The following SLC22A24 variants were observed in gnomAD, a reference collection of about 807,000 sequenced individuals.
SLC22A24 encodes the protein solute carrier family 22 member 24, also known as steroid transmembrane transporter SLC22A24.
SLC22A24 carries 53 observed loss-of-function variants against 49.8 expected under a neutral mutation model. The ratio of observed to expected loss-of-function variants is 1.06; its 90% CI spans 0.85 to 1.34. The LOEUF (loss-of-function observed/expected upper bound fraction) is 1.34, where lower values mean the gene tolerates loss of function less well. Ranked by LOEUF, SLC22A24 falls within the 40% of genes most tolerant of loss-of-function variation. The pLI is 0.00. For synonymous variants in SLC22A24, 302 were observed against 256.4 expected, an observed-to-expected ratio of 1.18 and a Z score of -1.70; for missense variants, 786 against 675.9, an observed-to-expected ratio of 1.16 and a Z score of -1.81.
At chr11:63,133,271 G>A (rs2087349843) in intron 2 of SLC22A24, among the ~76,000 whole-genome samples, 1 of 152,172 alleles carries the variant, frequency 6.6e-6, no homozygotes, top group Non-Finnish European at 1.5e-5. Context: ...GCACTTCCTG[G>A]GTGAGGCGGC....
At position 63,143,444 on chromosome 11, in the gene SLC22A24, G is replaced by A; in HGVS notation, c.336C>T (p.Asp112=). The change falls in exon 1 of 10, where the codon GAC becomes GAT. Residue 112 remains aspartate, a synonymous_variant. Coordinates refer to ENST00000612278, the MANE Select transcript of SLC22A24 (RefSeq NM_001136506.2). ...CCCAGCCATCCACACAGGGCTCCGTGTCTGGCTCATTTGTGTTGGGGAAGG... is the reference window on the plus strand; with the variant it reads ...CCCAGCCATCCACACAGGGCTCCGTATCTGGCTCATTTGTGTTGGGGAAGG... ...NGTFPNTNEP[D]TEPCVDGWVY... 1 of 1,577,054 alleles carries A rather than the reference G, an allele frequency of 6.3e-7. No individual in the cohort carries two copies. The highest frequency in any genetic ancestry group is 8.6e-7 in the Non-Finnish European group (1 of 1,163,326).
At chr11:63,108,618 G>A (rs1051378128) in intron 4 of SLC22A24, among the ~76,000 whole-genome samples, 1 of 152,082 alleles carries the variant, frequency 6.6e-6, no homozygotes. Flanking sequence ...GCCTGTTATT[G>A]GTCTATTCAG....
intron 4 of SLC22A24, among the ~76,000 whole-genome samples, chr11:63,117,750 T>C (rs1004630833): frequency 3.9e-5 from 6 of 152,242 alleles, no homozygotes; most frequent in Non-Finnish European, 7.3e-5. Context: ...ATATAATGCA[T>C]ATAACACACA....
rs970919265 is a variant in SLC22A24 at position 63,079,963 on chromosome 11, A to C, written c.1636T>G (p.Cys546Gly). 3.2e-6 allele frequency: 5 copies of C among 1,546,346 alleles called. No individual in the cohort carries two copies. Among genetic ancestry groups the C allele is most frequent in the Non-Finnish European group, 4.4e-6 (5 of 1,142,354 alleles). The change falls in exon 10 of 10, where the codon TGC becomes GGC. Residue 546 changes from cysteine (C) to glycine (G), a missense_variant. Cys to Gly is a radical substitution (Grantham distance 159). Coordinates refer to ENST00000612278, the MANE Select transcript of SLC22A24 (RefSeq NM_001136506.2). ...TCTTAAAACTGTGTTACTTTCATGC[A>C]AGTATCTTCCTGCTTTATGTTTCTT... ...DSRNIKQEDT[C>G]MKVTQF
intron 1 of SLC22A24, among the ~76,000 whole-genome samples, chr11:63,136,829 G>A (rs899699958): frequency 9.9e-5 from 15 of 152,154 alleles, no homozygotes; most frequent in Admixed American, 4.6e-4. Context: ...TCTTGGACTG[G>A]TGGCTGACTC....
intron 2 of SLC22A24, among the ~76,000 whole-genome samples, chr11:63,131,400 T>C (rs2087334622): frequency 6.6e-6 from 1 of 152,194 alleles, no homozygotes; most frequent in Non-Finnish European, 1.5e-5. Context: ...TGGTATGTTT[T>C]TGCAGTGGCT....
chr11:63,081,025 C>T lies in SLC22A24; in HGVS notation c.1493G>A (p.Trp498Ter), dbSNP rs1376689709. The change falls in exon 9 of 10, where the codon TGG becomes TAG. Residue 498 changes from tryptophan to a stop codon, truncating the protein, a stop_gained. Transcript: ENST00000612278. LOFTEE classifies it high-confidence loss of function. ...GATGGGGAAGACTCCATAGGAAATC[C>T]AGGGTAGGTGGGGAGAATACGCCAT... ...TLMAYSPHLP[W>*]ISYGVFPILA... 1.3e-6 allele frequency: 2 copies of T among 1,551,556 alleles called. No homozygotes were observed. The highest frequency in any genetic ancestry group is 1.7e-6 in the Non-Finnish European group (2 of 1,147,016).
intron 6 of SLC22A24, among the ~76,000 whole-genome samples, chr11:63,093,662 G>C (rs1392750032): frequency 6.6e-6 from 1 of 152,034 alleles, no homozygotes; most frequent in Non-Finnish European, 1.5e-5. Flanking sequence ...TCATCACATA[G>C]AGGGGAACAA....
chr11:63,117,127 C>T (rs1223453386), intron 4 of SLC22A24, among the ~76,000 whole-genome samples: 3 of 152,226 alleles, frequency 2.0e-5, no homozygotes, highest in South Asian at 4.1e-4. Flanking sequence ...AGAAGTCATG[C>T]TTTCATGTTT....
intron 8 of SLC22A24, 118 bp downstream of exon 8, chr11:63,081,440 C>T: frequency 1.3e-6 from 1 of 758,432 alleles, no homozygotes; most frequent in Non-Finnish European, 2.3e-6. Context: ...TTACTCTGTT[C>T]ATTTCTATTA....
At chr11:63,131,345 G>C (rs1055528110) in intron 2 of SLC22A24, among the ~76,000 whole-genome samples, 1 of 152,108 alleles carries the variant, frequency 6.6e-6, no homozygotes, top group Non-Finnish European at 1.5e-5. Flanking sequence ...TATTTTGCCT[G>C]TTAATTGAGG....
intron 1 of SLC22A24, 57 bp downstream of exon 1, chr11:63,143,321 G>A (rs2087428124): frequency 7.3e-7 from 1 of 1,367,112 alleles, no homozygotes; most frequent in Non-Finnish European, 9.5e-7. Context: ...CAATTTTTTT[G>A]TGTTAACTCC....
At chr11:63,080,877 A>T (rs911076302) in intron 9 of SLC22A24, 43 bp downstream of exon 9, 1 of 1,506,676 alleles carries the variant, frequency 6.6e-7, no homozygotes, top group Non-Finnish European at 9.0e-7. Context: ...GCTACAGCAC[A>T]TAGCCACTCC....
intron 4 of SLC22A24, among the ~76,000 whole-genome samples, chr11:63,115,364 AGTGAG>A (rs2087204925): frequency 6.6e-6 from 1 of 152,232 alleles, no homozygotes; most frequent in Non-Finnish European, 1.5e-5. Flanking sequence ...CATGGGACCC[AGTGAG>A]CCAGGCATGG....
intron 2 of SLC22A24, 95 bp from the exon 3 acceptor site, chr11:63,119,430 G>A: frequency 1.7e-6 from 2 of 1,202,918 alleles, no homozygotes; most frequent in South Asian, 3.2e-5. Flanking sequence ...TAGGATAAAT[G>A]TTTAACAAGT....
At chr11:63,089,176 G>T (rs554772547) in intron 6 of SLC22A24, among the ~76,000 whole-genome samples, 29 of 152,168 alleles carry the variant, frequency 1.9e-4, no homozygotes, top group African/African-American at 7.0e-4. Flanking sequence ...AGCCAGAAAG[G>T]TCAGGTTACC....
chr11:63,086,137 A>T (rs2086985827), intron 6 of SLC22A24, among the ~76,000 whole-genome samples: 1 of 152,244 alleles, frequency 6.6e-6, no homozygotes, highest in Middle Eastern at 3.2e-3. Flanking sequence ...GTGATTCCTC[A>T]AGGAATTTAA....
At chr11:63,110,080 C>T (rs2087151647) in intron 4 of SLC22A24, among the ~76,000 whole-genome samples, 1 of 151,954 alleles carries the variant, frequency 6.6e-6, no homozygotes, top group South Asian at 2.1e-4. Flanking sequence ...AGCCAGTTTT[C>T]CCAGCACCAT....
intron 2 of SLC22A24, among the ~76,000 whole-genome samples, chr11:63,121,628 C>T (rs1439050022): frequency 1.3e-5 from 2 of 151,754 alleles, no homozygotes; most frequent in Non-Finnish European, 2.9e-5. Flanking sequence ...TTTTATTTTA[C>T]TTTTTTTAAG....
Sources: gnomAD v4.1 joint callset for allele counts (sites outside exome capture counted in the v4.1 genomes callset) on GRCh38, gnomAD v4.1.1 for gene constraint, MANE v1.5 for transcripts, NCBI Gene and HGNC (gene_info 2026-07-23, HGNC 2026-07-21) for gene names.